Variants in TCF20 observed in about 807,000 individuals in gnomAD.
The protein encoded by TCF20 is SPRE-binding protein.
A neutral mutation model predicts 148.6 loss-of-function variants in TCF20; 3 were observed. That is an observed-to-expected ratio of 0.02 (90% CI 0.01 to 0.05). TCF20 has a LOEUF of 0.05. TCF20 is among the 10% of genes least tolerant of loss of function. The pLI is 1.00. For missense variants in TCF20, 2,350 were observed against 2,429.3 expected, an observed-to-expected ratio of 0.97 and a Z score of 0.69; for synonymous variants, 1,049 against 909.5, an observed-to-expected ratio of 1.15 and a Z score of -2.76.
chr22:42,230,225 C>T (rs142165677), intron 1 of TCF20, among the ~76,000 whole-genome samples: 93 of 152,308 alleles, frequency 6.1e-4, no homozygotes, highest in African/African-American at 2.0e-3. Context: ...ACAATGACCA[C>T]GTACACAATG....
At position 42,210,347 on chromosome 22, in the gene TCF20, C is replaced by T; in HGVS notation, c.4959G>A (p.Glu1653=). 1 of 1,614,188 alleles carries T rather than the reference C, an allele frequency of 6.2e-7. No individual in the cohort carries two copies. Among genetic ancestry groups the T allele is most frequent in the Non-Finnish European group, 8.5e-7 (1 of 1,180,040 alleles). The change falls in exon 2 of 6, where the codon GAG becomes GAA. Residue 1653 remains glutamate (E), a synonymous_variant. Transcript: ENST00000677622. The surrounding 1 kb of genome is among the most constrained non-coding windows in gnomAD (Gnocchi z 4.7). The stretch of plus-strand genomic sequence containing the variant: ...TCACTAATTTGGTCTGTTCTTCTTC[C>T]TCAGCATTGATGATTGTACAAACGG... ...LGAVCTIINA[E]EEEQTKLVRG...
chr22:42,265,155 T>C (rs1360723085), intron 1 of TCF20, among the ~76,000 whole-genome samples: 1 of 152,232 alleles, frequency 6.6e-6, no homozygotes, highest in East Asian at 1.9e-4. Flanking sequence ...GTACTGATTG[T>C]GTTTGTCGCC....
chr22:42,202,864 C>T (rs1938131917), intron 2 of TCF20, among the ~76,000 whole-genome samples: 1 of 152,186 alleles, frequency 6.6e-6, no homozygotes, highest in African/African-American at 2.4e-5. Context: ...GCTTCTCTAA[C>T]CACACACCAG....
chr22:42,296,483 C>G (rs972312836), intron 1 of TCF20, among the ~76,000 whole-genome samples: 4 of 152,252 alleles, frequency 2.6e-5, no homozygotes, highest in Non-Finnish European at 4.4e-5. Flanking sequence ...CCCCAACACC[C>G]AGCCCTGCCT....
chr22:42,250,457 A>G (rs1925271650), intron 1 of TCF20, among the ~76,000 whole-genome samples: 1 of 150,778 alleles, frequency 6.6e-6, no homozygotes, highest in African/African-American at 2.4e-5. Flanking sequence ...AAAAAAAAAA[A>G]AAAAAAAAAA....
At chr22:42,325,205 T>G (rs1167655697) in intron 1 of TCF20, among the ~76,000 whole-genome samples, 1 of 152,212 alleles carries the variant, frequency 6.6e-6, no homozygotes, top group Non-Finnish European at 1.5e-5. Flanking sequence ...TCGGATACTC[T>G]ATGGTGCTGG....
At chr22:42,232,805 GA>G (rs373162435) in intron 1 of TCF20, among the ~76,000 whole-genome samples, 28,398 of 131,492 alleles carry the variant, frequency 0.22, 2,389 homozygotes, top group East Asian at 0.34. Context: ...TCTCCAAAAA[GA>G]AAAAAAAAAA....
chr22:42,188,725 T>C (rs1243397047), intron 2 of TCF20, among the ~76,000 whole-genome samples: 2 of 152,200 alleles, frequency 1.3e-5, no homozygotes, highest in Admixed American at 6.5e-5. Context: ...TAGGAGTTGA[T>C]GGTATCGACT....
intron 1 of TCF20, among the ~76,000 whole-genome samples, chr22:42,316,234 G>A (rs1927629117): frequency 1.3e-5 from 2 of 152,190 alleles, no homozygotes; most frequent in South Asian, 4.2e-4. Flanking sequence ...CAGGTTTGCA[G>A]GCTAGGAAAG....
upstream of TCF20, among the ~76,000 whole-genome samples, chr22:42,287,291 A>G (rs1225298694): frequency 6.6e-6 from 1 of 152,168 alleles, no homozygotes; most frequent in Non-Finnish European, 1.5e-5. Context: ...GAAGGCCAAC[A>G]AAGAAACCAG....
chr22:42,271,486 C>T (rs1216621132), upstream of TCF20, among the ~76,000 whole-genome samples: 1 of 152,240 alleles, frequency 6.6e-6, no homozygotes, highest in Non-Finnish European at 1.5e-5. Flanking sequence ...AAGGGCTTGA[C>T]TTCTTTATAA....
rs915494939 is a variant in TCF20, at chr22:42,213,830, G to A, written c.1476C>T (p.Ser492=). 18 of 1,614,038 alleles carry A rather than the reference G, an allele frequency of 1.1e-5. No homozygotes were observed. The highest frequency in any genetic ancestry group is 4.4e-5 in the South Asian group (4 of 91,088). The change falls in exon 2 of 6, where the codon TCC becomes TCT. Residue 492 remains serine, a synonymous_variant. Transcript: ENST00000677622. ...AATTTGTGCAGCTATCTGCTTTCTT[G>A]GAAGATGAGGGCCTCTTGGAGGTCT... ...QKKTSKRPSS[S]KKADSCTNSE... is the part of the protein sequence containing the mutation.
At chr22:42,286,470 T>C (rs1167919035), upstream of TCF20, among the ~76,000 whole-genome samples, 1 of 152,094 alleles carries the variant, frequency 6.6e-6, no homozygotes, top group African/African-American at 2.4e-5. Flanking sequence ...ACCTGTAAAA[T>C]GGGGATAAGA....
At chr22:42,318,915 A>C (rs920540745) in intron 1 of TCF20, among the ~76,000 whole-genome samples, 9 of 152,188 alleles carry the variant, frequency 5.9e-5, no homozygotes, top group Non-Finnish European at 8.8e-5. Flanking sequence ...GAAATCAGCC[A>C]GCAGAGGCAC....
intron 2 of TCF20, among the ~76,000 whole-genome samples, chr22:42,199,456 G>A (rs1200964162): frequency 2.6e-5 from 4 of 152,084 alleles, no homozygotes; most frequent in Non-Finnish European, 5.9e-5. Context: ...GTACAACTGT[G>A]CACAACAGAG....
intron 2 of TCF20, among the ~76,000 whole-genome samples, chr22:42,196,894 GA>G (rs1284657294): frequency 8.5e-5 from 13 of 152,114 alleles, no homozygotes; most frequent in Admixed American, 8.5e-4. Flanking sequence ...TTATTCTGTT[GA>G]CCCTGGTATT....
chr22:42,283,441 C>A (rs1601692272), intron 1 of TCF20, among the ~76,000 whole-genome samples: 1 of 152,166 alleles, frequency 6.6e-6, no homozygotes, highest in South Asian at 2.1e-4. Flanking sequence ...GGGCACTCGG[C>A]CCCTGGGACT....
intron 2 of TCF20, among the ~76,000 whole-genome samples, chr22:42,197,670 C>T (rs907980152): frequency 2.6e-5 from 4 of 152,108 alleles, no homozygotes; most frequent in Non-Finnish European, 5.9e-5. Flanking sequence ...TTTAGGGGCA[C>T]CCCTGAAGAA....
chr22:42,238,687 C>CA (rs1158662250), intron 1 of TCF20, among the ~76,000 whole-genome samples: 10 of 152,166 alleles, frequency 6.6e-5, no homozygotes, highest in Non-Finnish European at 1.3e-4. Flanking sequence ...TCTGAGGTAA[C>CA]AGAGAGACCT....
Sources: allele counts gnomAD v4.1 joint callset (sites outside exome capture counted in the v4.1 genomes callset), GRCh38; gene constraint gnomAD v4.1.1; non-coding constraint Gnocchi (gnomAD v3.1); transcripts MANE v1.5; gene names NCBI Gene and HGNC (gene_info 2026-07-23, HGNC 2026-07-21).